The following PLCB1 variants were observed in gnomAD, a reference collection of about 807,000 sequenced individuals.
PLCB1 encodes phospholipase C beta 1.
A neutral mutation model predicts 161.8 loss-of-function variants in PLCB1; 46 were observed. The ratio of observed to expected loss-of-function variants is 0.28; its 90% CI spans 0.22 to 0.36. PLCB1 has a LOEUF of 0.36. Among genes scored for constraint, PLCB1 ranks in the 10% least tolerant of loss-of-function variants. The pLI, the probability that PLCB1 is intolerant of heterozygous loss-of-function variation, is 1.00. For synonymous variants in PLCB1, 517 were observed against 503.7 expected (o/e 1.03, Z -0.35); for missense variants, 1,016 against 1,472.5 (o/e 0.69, Z 5.07).
chr20:8,338,232 CA>C (rs1985658361), intron 2 of PLCB1, among the ~76,000 whole-genome samples: 1 of 152,018 alleles, frequency 6.6e-6, no homozygotes, highest in Non-Finnish European at 1.5e-5. Context: ...AGGATTTTAA[CA>C]ATGAGAGGCA....
At chr20:8,201,716 A>G (rs1247853416) in intron 2 of PLCB1, among the ~76,000 whole-genome samples, 1 of 152,238 alleles carries the variant, frequency 6.6e-6, no homozygotes, top group African/African-American at 2.4e-5. Flanking sequence ...CAAGTTATAG[A>G]TAGCCTGAAA....
intron 3 of PLCB1, among the ~76,000 whole-genome samples, chr20:8,474,630 G>T (rs765979482): frequency 6.6e-6 from 1 of 152,036 alleles, no homozygotes; most frequent in African/African-American, 2.4e-5. Context: ...AAAGCCACTC[G>T]ATTTCAGGCT....
Position 8,737,107 on chromosome 20 carries a change from C to T in PLCB1, c.2123C>T (p.Thr708Ile). 1.9e-6 allele frequency: 3 copies of T among 1,613,412 alleles called. No homozygotes were observed. The highest frequency in any genetic ancestry group is 2.5e-6 in the Non-Finnish European group (3 of 1,179,514). ...GATATGTTTGGTTTGCCTGTGGATA[C>T]AAGGAGGAAGGCATTTAAGACCAAA... Reference protein sequence around the residue: ...EVDMFGLPVDTRRKAFKTKTS... With the variant: ...EVDMFGLPVDIRRKAFKTKTS... The change falls in exon 20 of 32, where the codon ACA (threonine) becomes ATA (isoleucine). Residue 708 changes from threonine to isoleucine, a missense_variant. Thr to Ile is a moderately conservative substitution (Grantham distance 89). Transcript: ENST00000338037.
chr20:8,242,666 A>G (rs1980682046), intron 2 of PLCB1, among the ~76,000 whole-genome samples: 1 of 151,900 alleles, frequency 6.6e-6, no homozygotes, highest in African/African-American at 2.4e-5. Context: ...AAAAGAGAGG[A>G]ATGGCAATTG....
intron 11 of PLCB1, among the ~76,000 whole-genome samples, chr20:8,703,475 T>C (rs755149217): frequency 2.0e-5 from 3 of 152,092 alleles, no homozygotes; most frequent in Non-Finnish European, 2.9e-5. Context: ...TCCTCTACGC[T>C]CAACCCATGG....
At chr20:8,378,087 G>A (rs1987147463) in intron 3 of PLCB1, among the ~76,000 whole-genome samples, 1 of 152,224 alleles carries the variant, frequency 6.6e-6, no homozygotes, top group Non-Finnish European at 1.5e-5. Flanking sequence ...GCAGGAACTT[G>A]AACAGACACT....
chr20:8,141,537 C>T (rs1217372414), intron 1 of PLCB1, among the ~76,000 whole-genome samples: 1 of 149,500 alleles, frequency 6.7e-6, no homozygotes, highest in Non-Finnish European at 1.5e-5. Flanking sequence ...GCAGAAGAAT[C>T]ACTTAAACCC....
chr20:8,592,857 A>G (rs1987192082), intron 3 of PLCB1, among the ~76,000 whole-genome samples: 1 of 152,316 alleles, frequency 6.6e-6, no homozygotes, highest in Admixed American at 6.5e-5. Context: ...TAAACATCAC[A>G]GTGATGCTGC....
chr20:8,767,850 A>T (rs572580081), intron 26 of PLCB1, among the ~76,000 whole-genome samples: 1 of 152,328 alleles, frequency 6.6e-6, no homozygotes, highest in South Asian at 2.1e-4. Context: ...TAAAACAATA[A>T]AAATGTATTT....
At chr20:8,696,998 G>C (rs149618598) in intron 10 of PLCB1, among the ~76,000 whole-genome samples, 1,744 of 152,288 alleles carry the variant, frequency 0.011, 26 homozygotes, top group Non-Finnish European at 0.014. Context: ...CTCCCAAAAT[G>C]CTGGGATTAT....
rs528553886 is a variant in PLCB1, at chr20:8,672,479, C to T, written c.863-12453C>T. 2.8e-4 allele frequency among the ~76,000 whole-genome samples: 42 copies of T among 148,188 alleles called. 1 individual carries two copies. The South Asian group carries it at 7.6e-3, about 27-fold the overall frequency. The stretch of plus-strand genomic sequence containing the variant: ...TTCCTTGATCCTTTTTCCTTTAGCA[C>T]TTGGCTACTGCTGCCTTAAACTGCT... On this transcript the variant is annotated intron_variant, in intron 9 of 31. Coordinates refer to ENST00000338037, the MANE Select transcript of PLCB1 (RefSeq NM_015192.4).
At chr20:8,186,618 A>G (rs2123100869) in intron 2 of PLCB1, among the ~76,000 whole-genome samples, 1 of 152,326 alleles carries the variant, frequency 6.6e-6, no homozygotes, top group East Asian at 1.9e-4. Flanking sequence ...AAGGAGGAAC[A>G]TCATCTAGTT....
At chr20:8,310,494 C>G (rs1363927660) in intron 2 of PLCB1, among the ~76,000 whole-genome samples, 4 of 152,106 alleles carry the variant, frequency 2.6e-5, no homozygotes, top group African/African-American at 9.7e-5. Context: ...AAAAAAGAAA[C>G]AGCAGTTGCC....
chr20:8,175,152 T>C (rs1168904829), intron 2 of PLCB1, among the ~76,000 whole-genome samples: 1 of 151,886 alleles, frequency 6.6e-6, no homozygotes, highest in African/African-American at 2.4e-5. Context: ...ACTTAAAAAA[T>C]TTATAAAGAA....
intron 2 of PLCB1, among the ~76,000 whole-genome samples, chr20:8,306,717 TCTC>T (rs1379463833): frequency 1.3e-5 from 2 of 152,244 alleles, no homozygotes; most frequent in African/African-American, 2.4e-5. Flanking sequence ...AATGAAGAAC[TCTC>T]CTTTTACCCA....
chr20:8,331,063 A>C (rs1438493107), intron 2 of PLCB1, among the ~76,000 whole-genome samples: 1 of 152,168 alleles, frequency 6.6e-6, no homozygotes, highest in Non-Finnish European at 1.5e-5. Flanking sequence ...ATATACACAG[A>C]CTCATGTGTA....
chr20:8,857,133 A>G (rs1987094918), intron 31 of PLCB1, among the ~76,000 whole-genome samples: 1 of 152,322 alleles, frequency 6.6e-6, no homozygotes, highest in African/African-American at 2.4e-5. Context: ...AGACACGCCC[A>G]GGCTTGTTCA....
chr20:8,686,980 G>A (rs1190957329), intron 10 of PLCB1, among the ~76,000 whole-genome samples: 3 of 151,436 alleles, frequency 2.0e-5, no homozygotes, highest in East Asian at 1.9e-4. Flanking sequence ...TTTAAGGCAC[G>A]AGTTCACATA....
At chr20:8,372,734 TC>T (rs1401311567) in intron 3 of PLCB1, among the ~76,000 whole-genome samples, 3 of 152,170 alleles carry the variant, frequency 2.0e-5, no homozygotes, top group Admixed American at 6.5e-5. Context: ...TTTTTCTTCT[TC>T]CCCCAACAAC....
Sources: gnomAD v4.1 joint callset for allele counts (sites outside exome capture counted in the v4.1 genomes callset) on GRCh38, gnomAD v4.1.1 for gene constraint, MANE v1.5 for transcripts, NCBI Gene and HGNC (gene_info 2026-07-23, HGNC 2026-07-21) for gene names.